The following EPB41L4A variants were observed in gnomAD, a reference collection of about 807,000 sequenced individuals.
EPB41L4A encodes the protein band 4.1-like protein 4A.
In EPB41L4A, 100 loss-of-function variants were observed where a neutral mutation model predicts 108.6. The ratio of observed to expected loss-of-function variants is 0.92; its 90% CI spans 0.78 to 1.09. The LOEUF is 1.09. Ranked by LOEUF, EPB41L4A falls within the 50% of genes least tolerant of loss-of-function variation. The pLI, the probability that EPB41L4A is intolerant of heterozygous loss-of-function variation, is 0.00. For missense variants in EPB41L4A, 1,030 were observed against 842.7 expected (o/e 1.22, Z -2.75); for synonymous variants, 319 against 289.0 (o/e 1.10, Z -1.05).
At chr5:112,152,407 T>C (rs895109737) in intron 12 of EPB41L4A, among the ~76,000 whole-genome samples, 1 of 152,202 alleles carries the variant, frequency 6.6e-6, no homozygotes, top group Non-Finnish European at 1.5e-5. Flanking sequence ...AATTCGTATG[T>C]TGAAATCTAA....
At chr5:112,147,624 C>T (rs184648903) in intron 12 of EPB41L4A, among the ~76,000 whole-genome samples, 2,037 of 135,264 alleles carry the variant, frequency 0.015, 35 homozygotes, top group Non-Finnish European at 0.016. Flanking sequence ...GGCAACAGAA[C>T]GAGACTCTGT....
chr5:112,151,291 A>G (rs2112804918), intron 12 of EPB41L4A, among the ~76,000 whole-genome samples: 1 of 151,852 alleles, frequency 6.6e-6, no homozygotes, highest in African/African-American at 2.4e-5. Context: ...TAAAATACTG[A>G]ACAATAGCCC....
intron 1 of EPB41L4A, among the ~76,000 whole-genome samples, chr5:112,339,621 C>T (rs1341029553): frequency 2.0e-5 from 3 of 150,824 alleles, no homozygotes; most frequent in Admixed American, 6.6e-5. Flanking sequence ...GCAACCTCTA[C>T]CTCCTGGGTT....
intron 4 of EPB41L4A, among the ~76,000 whole-genome samples, chr5:112,269,736 T>C (rs1752128204): frequency 6.6e-6 from 1 of 152,214 alleles, no homozygotes; most frequent in African/African-American, 2.4e-5. Context: ...CATTGTACCA[T>C]ACTGGGGAAA....
chr5:112,412,301 C>G (rs1762458123), intron 1 of EPB41L4A, among the ~76,000 whole-genome samples: 1 of 152,178 alleles, frequency 6.6e-6, no homozygotes, highest in African/African-American at 2.4e-5. Flanking sequence ...GCTGCAGGCC[C>G]TTTATGTCTT....
intron 1 of EPB41L4A, among the ~76,000 whole-genome samples, chr5:112,398,163 T>C (rs981651641): frequency 6.6e-6 from 1 of 152,236 alleles, no homozygotes; most frequent in African/African-American, 2.4e-5. Flanking sequence ...TAGAAATTAC[T>C]TAGTCCAACC....
At chr5:112,292,953 T>C (rs191552615) in intron 2 of EPB41L4A, among the ~76,000 whole-genome samples, 2 of 152,202 alleles carry the variant, frequency 1.3e-5, no homozygotes, top group African/African-American at 2.4e-5. Flanking sequence ...TAAATGTTCA[T>C]AGTAAAGAAA....
At chr5:112,347,347 C>A (rs974362488) in intron 1 of EPB41L4A, among the ~76,000 whole-genome samples, 2 of 152,186 alleles carry the variant, frequency 1.3e-5, no homozygotes, top group Non-Finnish European at 2.9e-5. Context: ...AAGGAAAATG[C>A]AGTAGAATTA....
chr5:112,182,888 TA>T (rs140503509), intron 18 of EPB41L4A, among the ~76,000 whole-genome samples: 9,077 of 150,224 alleles, frequency 0.06, 423 homozygotes, highest in Admixed American at 0.16. Flanking sequence ...ATTAGGTTGC[TA>T]AAAAAAAATT....
intron 1 of EPB41L4A, among the ~76,000 whole-genome samples, chr5:112,340,156 A>C (rs1031438063): frequency 6.6e-6 from 1 of 152,168 alleles, no homozygotes; most frequent in African/African-American, 2.4e-5. Flanking sequence ...AAGTCTGCAA[A>C]AGATTGAGGG....
At chr5:112,388,293 A>G (rs1300810123) in intron 1 of EPB41L4A, among the ~76,000 whole-genome samples, 3 of 152,188 alleles carry the variant, frequency 2.0e-5, no homozygotes, top group African/African-American at 7.2e-5. Flanking sequence ...TCAGCCTTAA[A>G]TATACAGAGC....
chr5:112,146,014 G>A (rs1429005115), intron 12 of EPB41L4A: 2 of 455,824 alleles, frequency 4.4e-6, no homozygotes, highest in East Asian at 6.9e-5. Context: ...AAAGAAAAAA[G>A]TTTGCTGTGA....
At chr5:112,264,350 C>G (rs1427547098) in intron 6 of EPB41L4A, 1 of 152,370 alleles carries the variant, frequency 6.6e-6, no homozygotes, top group Non-Finnish European at 1.5e-5. Context: ...ACACTGGCAT[C>G]ATCACTATTT....
At chr5:112,244,195 C>T (rs1750027684) in intron 9 of EPB41L4A, among the ~76,000 whole-genome samples, 1 of 152,152 alleles carries the variant, frequency 6.6e-6, no homozygotes, top group South Asian at 2.1e-4. Context: ...ACTAGGGAGG[C>T]CTAAGGACAG....
At chr5:112,212,293 TG>T (rs112920775) in intron 12 of EPB41L4A, among the ~76,000 whole-genome samples, 18,696 of 145,064 alleles carry the variant, frequency 0.13, 1,530 homozygotes, top group African/African-American at 0.18. Context: ...TAGTTGTTTT[TG>T]TTTTTTTTTT....
At chr5:112,215,762 C>CAA (rs374126290) in intron 12 of EPB41L4A, among the ~76,000 whole-genome samples, 46,184 of 100,496 alleles carry the variant, frequency 0.46, 11,278 homozygotes, top group East Asian at 0.8. Context: ...GACTCCATCT[C>CAA]AAAAAAAAAA....
chr5:112,210,325 A>T (rs1181373982), intron 12 of EPB41L4A, among the ~76,000 whole-genome samples: 1 of 152,162 alleles, frequency 6.6e-6, no homozygotes, highest in East Asian at 1.9e-4. Flanking sequence ...ATAAAACATA[A>T]TGATCAGGTT....
Position 112,164,721 on chromosome 5 carries a change from G to GCTGCT in EPB41L4A, c.*264_*268dup, listed in dbSNP as rs1238968231. On this transcript the variant is annotated 3_prime_UTR_variant, in exon 23 of 23. Coordinates refer to ENST00000261486, the MANE Select transcript of EPB41L4A (RefSeq NM_022140.5). ...GTTGTGGTGCACGCCTGTAATCCCA[G>GCTGCT]CTGCTCGGGAGCCTGAGACAGGAGA... 4.4e-6 allele frequency: 1 copy of GCTGCT among 228,440 alleles called. No individual in the cohort carries two copies. The highest frequency in any genetic ancestry group is 2.3e-5 in the African/African-American group (1 of 43,546). 14.2% of individuals were successfully genotyped at this position (228,440 alleles called of 1,614,324 possible).
rs1248049602 is a variant in EPB41L4A at position 112,281,245 on chromosome 5, A to G, written c.205-922T>C. ...GGCCAGTCTAAGATACCTACTTATT[A>G]ATTCAAATTAACAGTTAATGAACAG... On this transcript the variant is annotated intron_variant, in intron 2 of 22. Coordinates refer to ENST00000261486, the MANE Select transcript of EPB41L4A (RefSeq NM_022140.5). 2.6e-5 allele frequency among the ~76,000 whole-genome samples: 4 copies of G among 152,372 alleles called. No homozygotes were observed. In the East Asian group the frequency reaches 7.7e-4, roughly 29 times the overall value.
Sources: gnomAD v4.1 joint callset for allele counts (sites outside exome capture counted in the v4.1 genomes callset) on GRCh38, gnomAD v4.1.1 for gene constraint, MANE v1.5 for transcripts, NCBI Gene and HGNC (gene_info 2026-07-23, HGNC 2026-07-21) for gene names.